Variants in ABL1 observed in about 807,000 individuals in gnomAD.
The protein encoded by ABL1 is ABL proto-oncogene 1, non-receptor tyrosine kinase, also known as tyrosine-protein kinase ABL1.
A neutral mutation model predicts 94.7 loss-of-function variants in ABL1; 11 were observed. The ratio of observed to expected loss-of-function variants is 0.12; its 90% confidence interval spans 0.07 to 0.19. The LOEUF is 0.19. Among genes scored for constraint, ABL1 ranks in the 10% least tolerant of loss-of-function variants. The probability of loss-of-function intolerance (pLI) is 1.00; values close to 1 mark genes in which losing one functional copy is unlikely to be tolerated. For synonymous variants in ABL1, 656 were observed against 622.4 expected (o/e 1.05, Z -0.80); for missense variants, 1,082 against 1,489.4 (o/e 0.73, Z 4.50).
chr9:130,868,052 C>T (rs143855919), intron 4 of ABL1, among the ~76,000 whole-genome samples: 40 of 152,084 alleles, frequency 2.6e-4, no homozygotes, highest in African/African-American at 9.6e-4. Context: ...CTCCACCTCC[C>T]GGGTTCAAGC....
At chr9:130,882,153 G>A (rs962840369) in intron 10 of ABL1, among the ~76,000 whole-genome samples, 3 of 152,152 alleles carry the variant, frequency 2.0e-5, no homozygotes, top group African/African-American at 7.2e-5. Context: ...GCAGTAGGGA[G>A]GAGAGGCCTC....
chr9:130,757,959 C>T (rs987400696), intron 1 of ABL1, among the ~76,000 whole-genome samples: 30 of 152,182 alleles, frequency 2.0e-4, no homozygotes, highest in African/African-American at 7.2e-4. Context: ...CTCCAGGGCA[C>T]ACCCAGGTGC....
chr9:130,785,928 T>TAAA (rs34333699), intron 1 of ABL1, among the ~76,000 whole-genome samples: 16 of 56,684 alleles, frequency 2.8e-4, no homozygotes, highest in Non-Finnish European at 3.6e-4. Context: ...GTCTCAAAAC[T>TAAA]AAAAAAAAAA....
At chr9:130,765,703 C>T (rs1375082724) in intron 1 of ABL1, among the ~76,000 whole-genome samples, 1 of 152,144 alleles carries the variant, frequency 6.6e-6, no homozygotes, top group Non-Finnish European at 1.5e-5. Flanking sequence ...CACAATTAGA[C>T]CTGACAGCCT....
chr9:130,750,644 C>CTTTTTTTTTTTTTTTTTTTTTT (rs71389345), intron 1 of ABL1, among the ~76,000 whole-genome samples: 2 of 87,284 alleles, frequency 2.3e-5, no homozygotes, highest in African/African-American at 9.8e-5. Context: ...CTTTTTCTTT[C>CTTTTTTTTTTTTTTTTTTTTTT]TTTTTTTTTT....
At chr9:130,760,615 A>G (rs549370038) in intron 1 of ABL1, among the ~76,000 whole-genome samples, 2 of 152,276 alleles carry the variant, frequency 1.3e-5, no homozygotes, top group South Asian at 2.1e-4. Flanking sequence ...GTTGTTAAGG[A>G]AGAAAATTTC....
At chr9:130,851,999 G>A (rs1181666669) in intron 1 of ABL1, among the ~76,000 whole-genome samples, 2 of 151,822 alleles carry the variant, frequency 1.3e-5, no homozygotes, top group South Asian at 2.1e-4. Context: ...GGCTGGTCTC[G>A]AACTCCTGAC....
chr9:130,726,405 T>G (rs1831586571), intron 1 of ABL1, among the ~76,000 whole-genome samples: 1 of 152,202 alleles, frequency 6.6e-6, no homozygotes, highest in Non-Finnish European at 1.5e-5. Context: ...TTTTTGTTTT[T>G]AATATTCCCT....
Position 130,835,587 on chromosome 9 carries a change from C to T in ABL1, c.79+62C>T, listed in dbSNP as rs1195185825. On this transcript the variant is annotated intron_variant, in intron 1 of 10. Transcript: ENST00000318560. The surrounding 1 kb of genome is among the most constrained non-coding windows in gnomAD (Gnocchi z 4.6). The stretch of plus-strand genomic sequence containing the variant: ...CGCGCCCTCCCGCTGCTGCTGGGCC[C>T]TTCCTAGGCCTCGCCGCCCGCGCGC... 2 of 1,436,116 alleles carry T rather than the reference C, an allele frequency of 1.4e-6. No homozygotes were observed. Among genetic ancestry groups the T allele is most frequent in the Non-Finnish European group, 1.9e-6 (2 of 1,049,114 alleles). The allele number at this position is 1,436,116 out of a possible 1,614,324, so 89.0% of individuals were successfully genotyped here. A position where few individuals can be genotyped will look rare whatever the true frequency, so the allele number is the denominator to read the frequency against.
chr9:130,744,552 G>A (rs955136343), intron 1 of ABL1, among the ~76,000 whole-genome samples: 3 of 151,510 alleles, frequency 2.0e-5, no homozygotes, highest in South Asian at 4.2e-4. Context: ...ACACATAGAA[G>A]GATAAAACTG....
At position 130,872,856 on chromosome 9, in the gene ABL1, G is replaced by C; in HGVS notation, c.908-4G>C. 6.2e-7 allele frequency: 1 copy of C among 1,605,104 alleles called. No individual in the cohort carries two copies. The highest frequency in any genetic ancestry group is 8.5e-7 in the Non-Finnish European group (1 of 1,173,360). Reference sequence around the variant, plus strand: ...TGTTGAAGTCCTCGTTGTCTTGTTGGCAGGGGTCTGCACCCGGGAGCCCCC... The same window carrying C: ...TGTTGAAGTCCTCGTTGTCTTGTTGCCAGGGGTCTGCACCCGGGAGCCCCC... On this transcript the variant is annotated splice_polypyrimidine_tract_variant and splice_region_variant and intron_variant, in intron 5 of 10. Transcript: ENST00000318560. The surrounding 1 kb of genome is among the most constrained non-coding windows in gnomAD (Gnocchi z 5.0).
At chr9:130,846,750 C>G (rs968174930) in intron 1 of ABL1, among the ~76,000 whole-genome samples, 2 of 152,266 alleles carry the variant, frequency 1.3e-5, no homozygotes, top group African/African-American at 2.4e-5. Flanking sequence ...TTTCCCTTCC[C>G]TGACTGTTCG....
intron 1 of ABL1, among the ~76,000 whole-genome samples, chr9:130,845,531 G>C (rs148879096): frequency 2.0e-5 from 3 of 151,958 alleles, no homozygotes; most frequent in African/African-American, 7.3e-5. Context: ...TAGTAGAGAC[G>C]TGGTTTAGTA....
rs201537471 is a variant in ABL1, at chr9:130,759,645, TG to T, written c.136+45191del. 4.9e-3 allele frequency among the ~76,000 whole-genome samples: 741 copies of T among 152,272 alleles called. 6 individuals carry two copies. The highest frequency in any genetic ancestry group is 0.017 in the African/African-American group (715 of 41,552). Reference sequence around the variant, plus strand: ...AATATCAAATGACAAATTCCAACAGTGTAAAAACTGTGATTCCTTTTGCACC... The same window carrying T: ...AATATCAAATGACAAATTCCAACAGTTAAAAACTGTGATTCCTTTTGCACC... On this transcript the variant is annotated intron_variant, in intron 1 of 10. Coordinates refer to the ABL1 transcript ENST00000372348.
At chr9:130,761,175 C>T (rs1011565647) in intron 1 of ABL1, among the ~76,000 whole-genome samples, 2 of 152,008 alleles carry the variant, frequency 1.3e-5, no homozygotes, top group Non-Finnish European at 2.9e-5. Context: ...CACTGTGTTA[C>T]CCAGGATGGT....
At position 130,747,799 on chromosome 9, in the gene ABL1, A is replaced by G. The variant is rs1032792596; in HGVS notation, c.136+33344A>G. 4.6e-5 allele frequency among the ~76,000 whole-genome samples: 7 copies of G among 152,170 alleles called. 1 individual carries two copies. Among genetic ancestry groups the G allele is most frequent in the Non-Finnish European group, 8.8e-5 (6 of 68,034 alleles). On this transcript the variant is annotated intron_variant, in intron 1 of 10. Coordinates refer to the ABL1 transcript ENST00000372348. ...TAATGCCCCCATCTCAAGATTGTTA[A>G]TCACATCTCCAAAGACCCTTTTCTC...
intron 1 of ABL1, among the ~76,000 whole-genome samples, chr9:130,839,755 C>G (rs1432781595): frequency 6.6e-6 from 1 of 152,202 alleles, no homozygotes; most frequent in East Asian, 1.9e-4. Flanking sequence ...AGGGAAAGCT[C>G]TGAAACTGGT....
intron 1 of ABL1, among the ~76,000 whole-genome samples, chr9:130,851,521 C>T (rs1281380272): frequency 2.6e-5 from 4 of 152,090 alleles, no homozygotes; most frequent in South Asian, 2.1e-4. Context: ...TGAAAGTTCT[C>T]GGTCATGTTT....
chr9:130,827,530 G>A lies in ABL1; in HGVS notation c.137-26534G>A, dbSNP rs544846274. Among the ~76,000 whole-genome samples the A allele has an allele frequency of 9.9e-5, 15 of 152,264 alleles. No individual in the cohort carries two copies. In the East Asian group the frequency reaches 2.9e-3, roughly 29 times the overall value. On this transcript the variant is annotated intron_variant, in intron 1 of 10. Coordinates refer to the ABL1 transcript ENST00000372348. The stretch of plus-strand genomic sequence containing the variant: ...CTAACCTGATATTAATAGATAAAGG[G>A]TAAAACAAATAGCAGAAAACAGGAA...
Sources: allele counts gnomAD v4.1 joint callset (sites outside exome capture counted in the v4.1 genomes callset), GRCh38; gene constraint gnomAD v4.1.1; non-coding constraint Gnocchi (gnomAD v3.1); transcripts MANE v1.5; gene names NCBI Gene and HGNC (gene_info 2026-07-23, HGNC 2026-07-21).